TOX2: variants seen among roughly 807,000 people sequenced by gnomAD.
TOX2 encodes the protein granulosa cell HMG box 1.
A neutral mutation model predicts 47.4 loss-of-function variants in TOX2; 15 were observed. The observed-to-expected ratio is 0.32, with a 90% CI of 0.21 to 0.49. The LOEUF (loss-of-function observed/expected upper bound fraction) is 0.49. TOX2 is among the 20% of genes least tolerant of loss of function. TOX2 has a pLI of 0.99. For synonymous variants in TOX2, 290 were observed against 296.6 expected (o/e 0.98, Z 0.23); for missense variants, 622 against 673.1 (o/e 0.92, Z 0.84).
At chr20:43,974,743 G>C (rs1350694120) in intron 2 of TOX2, among the ~76,000 whole-genome samples, 2 of 152,250 alleles carry the variant, frequency 1.3e-5, no homozygotes, top group African/African-American at 4.8e-5. Context: ...ACATGGGCCT[G>C]TGGCCCTAGG....
Position 44,054,304 on chromosome 20 carries a change from G to C in TOX2, c.657G>C (p.Ser219=). 1 of 1,608,534 alleles carries C rather than the reference G, an allele frequency of 6.2e-7. No individual in the cohort carries two copies. The highest frequency in any genetic ancestry group is 8.5e-7 in the Non-Finnish European group (1 of 1,177,102). ...EEESEVHFKI[S]GEKRPSADPG... ...GACTCTTCTCACTCGGGCAGATCTC[G>C]GGAGAAAAGAGACCTTCAGCCGACC... is the stretch of plus-strand genomic sequence containing the variant. Residue 219 remains serine (S), a synonymous_variant, in exon 5 of 9, where the codon TCG becomes TCC. Coordinates refer to ENST00000341197, the MANE Select transcript of TOX2 (RefSeq NM_001098797.2).
At chr20:44,051,574 A>G (rs772914443) in intron 4 of TOX2, 29 bp downstream of exon 4, 2 of 1,540,554 alleles carry the variant, frequency 1.3e-6, no homozygotes, top group Non-Finnish European at 1.8e-6. Context: ...CAGAGCCTGA[A>G]GCTGCCCTCC....
At chr20:43,977,665 A>G (rs1307881034) in intron 2 of TOX2, among the ~76,000 whole-genome samples, 1 of 152,008 alleles carries the variant, frequency 6.6e-6, no homozygotes, top group Non-Finnish European at 1.5e-5. Context: ...GCTTCTACAA[A>G]TGATCACACT....
chr20:44,030,755 G>A (rs1051710465), intron 3 of TOX2, among the ~76,000 whole-genome samples: 34 of 152,264 alleles, frequency 2.2e-4, no homozygotes, highest in African/African-American at 7.9e-4. Context: ...AATAAATACA[G>A]ATGTGCCTGC....
intron 3 of TOX2, among the ~76,000 whole-genome samples, chr20:44,031,902 C>T (rs1318936579): frequency 6.6e-6 from 1 of 151,598 alleles, no homozygotes; most frequent in Non-Finnish European, 1.5e-5. Flanking sequence ...GGTCTAGATA[C>T]CAGCAACACA....
chr20:44,034,316 C>A (rs1412052342), intron 3 of TOX2, among the ~76,000 whole-genome samples: 2 of 152,146 alleles, frequency 1.3e-5, no homozygotes, highest in Non-Finnish European at 1.5e-5. Flanking sequence ...CCCACAGGAC[C>A]CCAGGCACAC....
intron 1 of TOX2, among the ~76,000 whole-genome samples, chr20:43,927,458 A>AACACAC (rs34410581): frequency 0.02 from 2,590 of 131,390 alleles, 39 homozygotes; most frequent in Non-Finnish European, 0.027. Flanking sequence ...TGATCTATAT[A>AACACAC]ACACACACAC....
chr20:44,046,290 A>G lies in TOX2; in HGVS notation c.412-5016A>G, dbSNP rs747365815. Among the ~76,000 whole-genome samples, 14 of 152,244 alleles carry G rather than the reference A, an allele frequency of 9.2e-5. 1 individual carries two copies. On this transcript the variant is annotated intron_variant, in intron 3 of 8. Coordinates refer to ENST00000341197, the MANE Select transcript of TOX2 (RefSeq NM_001098797.2). Reference sequence around the variant, plus strand: ...AAAGACATAACATTCTGGGACATTTACAGGATAAATAACTTCACGTTAGTG... The same window carrying G: ...AAAGACATAACATTCTGGGACATTTGCAGGATAAATAACTTCACGTTAGTG...
At chr20:44,001,672 C>T (rs1253098664) in intron 2 of TOX2, among the ~76,000 whole-genome samples, 4 of 149,450 alleles carry the variant, frequency 2.7e-5, no homozygotes, top group Non-Finnish European at 5.9e-5. Flanking sequence ...ATTCACTGGG[C>T]ACCTTCTCTG....
intron 5 of TOX2, among the ~76,000 whole-genome samples, chr20:44,056,656 A>T (rs1469345232): frequency 6.6e-6 from 1 of 152,148 alleles, no homozygotes; most frequent in Non-Finnish European, 1.5e-5. Flanking sequence ...CCATCCGATA[A>T]TGGGCATTTC....
chr20:44,026,639 G>C (rs539966141), intron 3 of TOX2, among the ~76,000 whole-genome samples: 6 of 152,174 alleles, frequency 3.9e-5, no homozygotes, highest in African/African-American at 1.4e-4. Flanking sequence ...GGGTGCTGGA[G>C]AGCAGGAAAT....
intron 1 of TOX2, among the ~76,000 whole-genome samples, chr20:43,926,290 G>C (rs2069166968): frequency 6.6e-6 from 1 of 152,010 alleles, no homozygotes; most frequent in African/African-American, 2.4e-5. Flanking sequence ...TGCTTTCTCT[G>C]TTCTCTATGT....
chr20:43,965,441 T>C (rs1248417616), intron 1 of TOX2, among the ~76,000 whole-genome samples: 4 of 152,232 alleles, frequency 2.6e-5, no homozygotes, highest in Non-Finnish European at 5.9e-5. Flanking sequence ...AGGGGCCGTG[T>C]CATCATCATT....
intron 1 of TOX2, among the ~76,000 whole-genome samples, chr20:43,939,957 G>A (rs985447553): frequency 7.9e-5 from 12 of 152,266 alleles, no homozygotes; most frequent in African/African-American, 2.9e-4. Context: ...TAAAGGGCAG[G>A]GAGTCATGCC....
chr20:43,950,085 C>T (rs2069535304), intron 1 of TOX2, among the ~76,000 whole-genome samples: 1 of 152,120 alleles, frequency 6.6e-6, no homozygotes, highest in African/African-American at 2.4e-5. Context: ...CAAACATCCT[C>T]CTCTTTCCCA....
At position 43,973,393 on chromosome 20, in the gene TOX2, G is replaced by T; in HGVS notation, c.126G>T (p.Gly42=). Residue 42 remains glycine, a synonymous_variant, in exon 2 of 9, where the codon GGG becomes GGT. Coordinates refer to ENST00000341197, the MANE Select transcript of TOX2 (RefSeq NM_001098797.2). ...GKFDGDSAYV[G]MSDGNPELLS... ...TTGATGGTGACAGTGCCTACGTGGG[G>T]ATGAGTGACGGAAACCCAGAGCTCC... The T allele has an allele frequency of 6.2e-7, 1 of 1,614,162 alleles. No homozygotes were observed. Among genetic ancestry groups the T allele is most frequent in the Non-Finnish European group, 8.5e-7 (1 of 1,180,026 alleles).
At chr20:43,984,614 G>C (rs975506377) in intron 2 of TOX2, among the ~76,000 whole-genome samples, 8 of 152,196 alleles carry the variant, frequency 5.3e-5, no homozygotes, top group African/African-American at 1.4e-4. Context: ...ATTTGAGGGC[G>C]CAGGCATGGA....
intron 4 of TOX2, among the ~76,000 whole-genome samples, chr20:44,053,191 C>G (rs1250669056): frequency 6.6e-6 from 1 of 152,176 alleles, no homozygotes; most frequent in Non-Finnish European, 1.5e-5. Flanking sequence ...CAACACCACC[C>G]CATCCTGGAA....
chr20:43,928,905 C>T (rs547267771), intron 1 of TOX2, among the ~76,000 whole-genome samples: 8 of 141,734 alleles, frequency 5.6e-5, no homozygotes, highest in African/African-American at 1.6e-4. Context: ...GAGGCAGAGG[C>T]GGGTGGATCA....
Sources: gnomAD v4.1 joint callset for allele counts (sites outside exome capture counted in the v4.1 genomes callset) on GRCh38, gnomAD v4.1.1 for gene constraint, MANE v1.5 for transcripts, NCBI Gene and HGNC (gene_info 2026-07-23, HGNC 2026-07-21) for gene names.